The following CNTNAP3 variants were observed in gnomAD, a reference collection of about 807,000 sequenced individuals.
CNTNAP3 encodes contactin associated protein family member 3, also known as contactin-associated protein-like 3.
Under a neutral mutation model 92.1 loss-of-function variants are expected in CNTNAP3, and 36 were observed. The ratio of observed to expected loss-of-function variants is 0.39; its 90% CI spans 0.30 to 0.52. CNTNAP3 has a LOEUF of 0.52. Ranked by LOEUF, CNTNAP3 falls within the 20% of genes least tolerant of loss-of-function variation. The pLI is 0.76. For missense variants in CNTNAP3, 534 were observed against 1,069.6 expected, an observed-to-expected ratio of 0.50 and a Z score of 6.98; for synonymous variants, 232 against 422.3, an observed-to-expected ratio of 0.55 and a Z score of 5.53.
intron 18 of CNTNAP3, among the ~76,000 whole-genome samples, chr9:39,095,907 C>A (rs1244566981): frequency 6.6e-6 from 1 of 150,910 alleles, no homozygotes; most frequent in African/African-American, 2.4e-5. Flanking sequence ...ATAATTTGTT[C>A]TCTTTTTAAA....
At chr9:39,133,953 A>T (rs2118056236) in intron 12 of CNTNAP3, among the ~76,000 whole-genome samples, 1 of 152,248 alleles carries the variant, frequency 6.6e-6, no homozygotes, top group Non-Finnish European at 1.5e-5. Context: ...TTACATAAAA[A>T]TTTTCCGAAC....
At chr9:39,148,590 G>C (rs530323818) in intron 10 of CNTNAP3, among the ~76,000 whole-genome samples, 214 of 149,756 alleles carry the variant, frequency 1.4e-3, no homozygotes, top group African/African-American at 4.1e-3. Flanking sequence ...GCAGTGGCAC[G>C]ATCTCATTCA....
chr9:39,149,344 G>C (rs1419590444), intron 10 of CNTNAP3, among the ~76,000 whole-genome samples: 1 of 149,694 alleles, frequency 6.7e-6, no homozygotes, highest in Non-Finnish European at 1.5e-5. Flanking sequence ...TAGAGATGCA[G>C]TTTTTGTTTT....
intron 21 of CNTNAP3, among the ~76,000 whole-genome samples, chr9:39,084,579 T>G (rs2118411920): frequency 6.6e-6 from 1 of 152,264 alleles, no homozygotes; most frequent in East Asian, 1.9e-4. Flanking sequence ...GAACAGAGTG[T>G]TTTGGGTAAC....
chr9:39,134,797 T>C (rs1447946261), intron 12 of CNTNAP3, among the ~76,000 whole-genome samples: 1 of 152,324 alleles, frequency 6.6e-6, no homozygotes, highest in East Asian at 1.9e-4. Flanking sequence ...AGAGTTTTCC[T>C]ATCAACTGAA....
intron 23 of CNTNAP3, among the ~76,000 whole-genome samples, chr9:39,075,343 G>T (rs1825732179): frequency 6.6e-6 from 1 of 151,236 alleles, no homozygotes; most frequent in South Asian, 2.1e-4. Flanking sequence ...GAGCCAGAGT[G>T]CTAAAGCATG....
intron 18 of CNTNAP3, among the ~76,000 whole-genome samples, chr9:39,092,344 T>A (rs1826224890): frequency 1.4e-5 from 2 of 141,712 alleles, no homozygotes; most frequent in African/African-American, 5.1e-5. Flanking sequence ...TCAGGTTTTT[T>A]ATTTGGGAAC....
At chr9:39,129,370 C>A (rs1263462161) in intron 13 of CNTNAP3, among the ~76,000 whole-genome samples, 23 of 152,096 alleles carry the variant, frequency 1.5e-4, no homozygotes, top group Non-Finnish European at 3.4e-4. Context: ...AAATGCAATT[C>A]AATGCAGGAA....
chr9:39,117,738 C>A (rs1820892436), intron 14 of CNTNAP3, among the ~76,000 whole-genome samples: 1 of 152,172 alleles, frequency 6.6e-6, no homozygotes, highest in South Asian at 2.1e-4. Context: ...TATCCCAAAT[C>A]AATTTAAGAC....
At chr9:39,098,420 G>T (rs1409396255) in intron 18 of CNTNAP3, among the ~76,000 whole-genome samples, 1 of 151,920 alleles carries the variant, frequency 6.6e-6, no homozygotes, top group Non-Finnish European at 1.5e-5. Context: ...TGAAAATCCA[G>T]ATCATTCTTA....
intron 18 of CNTNAP3, among the ~76,000 whole-genome samples, chr9:39,099,492 G>A (rs1564072375): frequency 6.6e-6 from 1 of 152,158 alleles, no homozygotes. Context: ...TGGGTAAGAC[G>A]ATTGCTCAAG....
rs544846988 is a variant in CNTNAP3 at position 39,133,554 on chromosome 9, C to T, written c.1877-419G>A. The stretch of plus-strand genomic sequence containing the variant: ...AATTTATAAAAGATACATATTGGGA[C>T]GATGTGACGCACATACTCACAGGTA... On this transcript the variant is annotated intron_variant, in intron 12 of 23. Coordinates refer to ENST00000297668, the MANE Select transcript of CNTNAP3 (RefSeq NM_033655.5). Among the ~76,000 whole-genome samples the T allele has an allele frequency of 4.6e-5, 7 of 151,820 alleles. No homozygotes were observed. In the East Asian group the frequency reaches 1.4e-3, roughly 29 times the overall value.
rs1825618683 is a variant in CNTNAP3 at position 39,070,715 on chromosome 9, T to C, written c.*3175A>G. ...ACACAAAGGATAAATGTTGAGGGGA[T>C]GGATACCCCATTCTCCATGATGTGC... On this transcript the variant is annotated 3_prime_UTR_variant, in exon 24 of 24. Coordinates refer to ENST00000297668, the MANE Select transcript of CNTNAP3 (RefSeq NM_033655.5). Among the ~76,000 whole-genome samples, 1 of 152,256 alleles carries C rather than the reference T, an allele frequency of 6.6e-6. No homozygotes were observed. The highest frequency in any genetic ancestry group is 2.4e-5 in the African/African-American group (1 of 41,478).
At chr9:39,098,287 C>CACACAT (rs1345789825) in intron 18 of CNTNAP3, among the ~76,000 whole-genome samples, 1 of 149,816 alleles carries the variant, frequency 6.7e-6, no homozygotes, top group Non-Finnish European at 1.5e-5. Context: ...GTGTTTAGTA[C>CACACAT]ACACATACAC....
intron 9 of CNTNAP3, chr9:39,159,447 C>CA (rs1822031521): frequency 7.5e-6 from 1 of 132,890 alleles, no homozygotes; most frequent in African/African-American, 2.8e-5. Flanking sequence ...CTCAGCCTCC[C>CA]AAGTAGCTGG....
intron 13 of CNTNAP3, among the ~76,000 whole-genome samples, chr9:39,123,330 G>C (rs1363416615): frequency 1.3e-5 from 2 of 151,968 alleles, no homozygotes; most frequent in Non-Finnish European, 2.9e-5. Flanking sequence ...TCCTGAACTT[G>C]TGATCCGCCC....
At chr9:39,119,976 A>G (rs1444976512) in intron 13 of CNTNAP3, among the ~76,000 whole-genome samples, 1 of 152,224 alleles carries the variant, frequency 6.6e-6, no homozygotes, top group Non-Finnish European at 1.5e-5. Flanking sequence ...ATAGGGTCCT[A>G]TCAGACAATA....
intron 10 of CNTNAP3, among the ~76,000 whole-genome samples, chr9:39,147,493 T>C (rs1241860724): frequency 2.6e-5 from 4 of 152,196 alleles, no homozygotes; most frequent in African/African-American, 9.7e-5. Flanking sequence ...TCAGAGGAGC[T>C]AGTCTTCTAC....
chr9:39,130,907 T>A (rs1054233869), intron 13 of CNTNAP3, among the ~76,000 whole-genome samples: 1 of 151,850 alleles, frequency 6.6e-6, no homozygotes, highest in Non-Finnish European at 1.5e-5. Flanking sequence ...GATGTCACCT[T>A]GGGGTGGGGG....
Sources: allele counts gnomAD v4.1 joint callset (sites outside exome capture counted in the v4.1 genomes callset), GRCh38; gene constraint gnomAD v4.1.1; transcripts MANE v1.5; gene names NCBI Gene and HGNC (gene_info 2026-07-23, HGNC 2026-07-21).